PRP4K: variants seen among roughly 807,000 people sequenced by gnomAD.
PRP4K encodes the protein serine/threonine-protein kinase PRP4 homolog.
chr6:4,026,479 T>C, the PRP4K span, among the ~76,000 whole-genome samples: 39 of 152,070 alleles, frequency 2.6e-4, no homozygotes, highest in South Asian at 7.7e-3. Context: ...GTTTTTTGTA[T>C]TTTTGTAGAG....
the PRP4K span, among the ~76,000 whole-genome samples, chr6:4,041,994 G>A: frequency 1.3e-5 from 2 of 152,148 alleles, no homozygotes; most frequent in African/African-American, 4.8e-5. Flanking sequence ...CGGAGGGTTG[G>A]GGGCAGTGTT....
the PRP4K span, among the ~76,000 whole-genome samples, chr6:4,045,658 T>C: frequency 6.6e-6 from 1 of 152,216 alleles, no homozygotes; most frequent in Non-Finnish European, 1.5e-5. Context: ...CTTAACATGA[T>C]TACAGATAGG....
chr6:4,041,798 G>C, the PRP4K span, among the ~76,000 whole-genome samples: 2 of 152,180 alleles, frequency 1.3e-5, no homozygotes, highest in Non-Finnish European at 2.9e-5. Context: ...TGCTAAGGAT[G>C]AAAAACCCTG....
chr6:4,059,550 C>T, the PRP4K span, among the ~76,000 whole-genome samples: 401 of 152,338 alleles, frequency 2.6e-3, 2 homozygotes, highest in Non-Finnish European at 4.5e-3. Context: ...ATTCACATGT[C>T]TGTCACTTAC....
the PRP4K span, among the ~76,000 whole-genome samples, chr6:4,027,612 G>GGGGGGGGGGT: frequency 1.4e-5 from 1 of 70,690 alleles, no homozygotes; most frequent in African/African-American, 4.7e-5. Flanking sequence ...GGGGGGTGGG[G>GGGGGGGGGGT]TGGGGGTTGG....
the PRP4K span, chr6:4,049,532 T>G: frequency 1.7e-6 from 1 of 576,880 alleles, no homozygotes; most frequent in Non-Finnish European, 3.1e-6. Flanking sequence ...GGAACTCTTG[T>G]AGTGATCTGA....
At chr6:4,029,712 A>G in the PRP4K span, among the ~76,000 whole-genome samples, 1 of 151,710 alleles carries the variant, frequency 6.6e-6, no homozygotes, top group Non-Finnish European at 1.5e-5. Flanking sequence ...TCCTCCTAAC[A>G]TCCCTGCTTA....
chr6:4,022,457 T>TG, the PRP4K span, among the ~76,000 whole-genome samples: 2 of 73,424 alleles, frequency 2.7e-5, no homozygotes, highest in Non-Finnish European at 5.5e-5. Flanking sequence ...GCGACCGTTT[T>TG]TTTTTTTTGT....
chr6:4,033,674 T>C, the PRP4K span, among the ~76,000 whole-genome samples: 1 of 152,236 alleles, frequency 6.6e-6, no homozygotes, highest in Non-Finnish European at 1.5e-5. Context: ...AGCCGTTTAC[T>C]GTGTTCATAA....
chr6:4,038,378 C>T, the PRP4K span, among the ~76,000 whole-genome samples: 6 of 151,792 alleles, frequency 4.0e-5, no homozygotes, highest in African/African-American at 9.7e-5. Context: ...CCTCCACCTC[C>T]TGAGTTCAAG....
the PRP4K span, chr6:4,060,813 C>G: frequency 1.7e-6 from 1 of 605,096 alleles, no homozygotes. This position sits in a 1 kb window ranked among gnomAD's most constrained non-coding sequence, Gnocchi z 4.7. Context: ...TGAAATTTCA[C>G]TGTAGACTGT....
chr6:4,032,431 G>A, the PRP4K span: 2 of 1,614,108 alleles, frequency 1.2e-6, no homozygotes, highest in African/African-American at 1.3e-5. Flanking sequence ...TCCAAAGACA[G>A]AAGGTCACGG....
the PRP4K span, chr6:4,051,876 C>T: frequency 2.2e-6 from 2 of 908,666 alleles, no homozygotes; most frequent in African/African-American, 1.7e-5. Flanking sequence ...GATCGTCATA[C>T]TGGGGCTAGC....
the PRP4K span, chr6:4,060,283 C>A: frequency 1.3e-6 from 1 of 795,166 alleles, no homozygotes; most frequent in Non-Finnish European, 2.0e-6. The surrounding 1 kb of genome is among the most constrained non-coding windows in gnomAD (Gnocchi z 4.7). Context: ...CCAAAATGTG[C>A]ACTGTGTGTA....
At chr6:4,056,830 C>T in the PRP4K span, 12 of 1,147,828 alleles carry the variant, frequency 1.0e-5, no homozygotes, top group South Asian at 1.6e-4. Context: ...AGTTCCTCCC[C>T]TACACCTCCA....
chr6:4,022,488 G>C, the PRP4K span, among the ~76,000 whole-genome samples: 1 of 101,258 alleles, frequency 9.9e-6, no homozygotes, highest in Non-Finnish European at 2.1e-5. Context: ...GTTTTTTTTT[G>C]CATCTGCACT....
the PRP4K span, chr6:4,053,010 T>TA: frequency 1.3e-6 from 1 of 760,616 alleles, no homozygotes; most frequent in Non-Finnish European, 1.9e-6. Context: ...AAATGACTAA[T>TA]ACTTTTTTAT....
At chr6:4,043,951 C>T in the PRP4K span, 3 of 1,614,068 alleles carry the variant, frequency 1.9e-6, no homozygotes, top group Admixed American at 1.7e-5. Context: ...AGAGTATGAA[C>T]GGGAAAATGT....
the PRP4K span, chr6:4,037,558 C>T: frequency 1.2e-6 from 2 of 1,613,564 alleles, no homozygotes; most frequent in Non-Finnish European, 1.7e-6. Flanking sequence ...AGAAGCAGAT[C>T]TCCTCGGAGA....
Sources: gnomAD v4.1 joint callset for allele counts (sites outside exome capture counted in the v4.1 genomes callset) on GRCh38, gnomAD v4.1.1 for gene constraint, Gnocchi (gnomAD v3.1) non-coding constraint, MANE v1.5 for transcripts, NCBI Gene and HGNC (gene_info 2026-07-23, HGNC 2026-07-21) for gene names.